DMD: variants seen among roughly 807,000 people sequenced by gnomAD.
DMD encodes the protein mutant dystrophin.
Under a neutral mutation model 330.1 loss-of-function variants are expected in DMD, and 63 were observed. That is an observed-to-expected ratio of 0.19 (90% CI 0.16 to 0.24). The LOEUF (loss-of-function observed/expected upper bound fraction) is 0.24. Ranked by LOEUF, DMD falls within the 10% of genes least tolerant of loss-of-function variation. The pLI, the probability that DMD is intolerant of heterozygous loss-of-function variation, is 1.00. For missense variants in DMD, 3,344 were observed against 2,684.1 expected, an observed-to-expected ratio of 1.25 and a Z score of -5.43; for synonymous variants, 1,223 against 959.8, an observed-to-expected ratio of 1.27 and a Z score of -5.07.
intron 60 of DMD, among the ~76,000 whole-genome samples, chrX:31,354,373 T>A (rs1365347573): frequency 9.0e-6 from 1 of 111,311 alleles, no homozygotes; most frequent in Non-Finnish European, 1.9e-5. Flanking sequence ...CCCTCCCTTC[T>A]TCCTTTCCTT....
intron 36 of DMD, 60 bp from the exon 37 acceptor site, chrX:32,363,018 A>G (rs1297560376): frequency 9.3e-7 from 1 of 1,075,444 alleles, no homozygotes; most frequent in African/African-American, 1.8e-5. Context: ...GTCAAGATAG[A>G]AAAAGAGAGC....
At chrX:31,530,912 G>A (rs2073744429) in intron 55 of DMD, among the ~76,000 whole-genome samples, 1 of 76,228 alleles carries the variant, frequency 1.3e-5, no homozygotes, top group Non-Finnish European at 2.4e-5. Flanking sequence ...ACCTATGAGT[G>A]AGAATATGCG....
intron 53 of DMD, among the ~76,000 whole-genome samples, chrX:31,673,935 T>C (rs1172149944): frequency 2.7e-5 from 3 of 111,835 alleles, no homozygotes; most frequent in Non-Finnish European, 5.6e-5. Context: ...AAAAGTACTA[T>C]TGGGTTATTG....
intron 62 of DMD, among the ~76,000 whole-genome samples, chrX:31,284,557 T>TTTTTTCTTCTTCTTCTTCTTTCTTCTTTC (rs2052885922): frequency 2.6e-5 from 2 of 78,066 alleles, no homozygotes; most frequent in African/African-American, 1.0e-4. Context: ...TAACGAACTG[T>TTTTTTCTTCTTCTTCTTCTTTCTTCTTTC]TTCTTCTTCT....
chrX:31,207,928 A>C (rs955822179), intron 65 of DMD, among the ~76,000 whole-genome samples: 1 of 111,316 alleles, frequency 9.0e-6, no homozygotes, highest in Non-Finnish European at 1.9e-5. Flanking sequence ...GTGATGAAAT[A>C]ATCTGTACAA....
chrX:32,034,613 T>C (rs1299594951), intron 44 of DMD, among the ~76,000 whole-genome samples: 2 of 111,730 alleles, frequency 1.8e-5, no homozygotes, highest in African/African-American at 3.2e-5. Flanking sequence ...GCTCTAAAAC[T>C]GCAAAACATT....
Position 31,348,723 on chromosome X carries a change from G to A in DMD, c.9085-89C>T, listed in dbSNP as rs775956998. 70 of 784,983 alleles carry A rather than the reference G, an allele frequency of 8.9e-5. 1 individual carries two copies. The East Asian group carries it at 1.8e-3, about 20-fold the overall frequency. The allele number at this position is 784,983 out of a possible 1,213,427, so 64.7% of individuals were successfully genotyped here. ...TGTATCCTTTCTGATAAGATACTTT[G>A]AGTCTCCAAGACTGAGAACACTAAA... On this transcript the variant is annotated intron_variant, in intron 60 of 78. Coordinates refer to ENST00000357033, the MANE Select transcript of DMD (RefSeq NM_004006.3).
chrX:31,849,909 CTTTTA>C (rs962147264), intron 48 of DMD, among the ~76,000 whole-genome samples: 2 of 110,406 alleles, frequency 1.8e-5, no homozygotes, highest in Non-Finnish European at 3.8e-5. Flanking sequence ...TTTTTTTTAA[CTTTTA>C]TTTTAAGTAC....
intron 17 of DMD, among the ~76,000 whole-genome samples, chrX:32,543,907 AATC>A (rs1209061737): frequency 8.9e-6 from 1 of 112,456 alleles, no homozygotes; most frequent in Non-Finnish European, 1.9e-5. Context: ...ATGCGAAAGT[AATC>A]ATAAGTGATA....
intron 1 of DMD, among the ~76,000 whole-genome samples, chrX:33,081,329 A>T (rs1373839736): frequency 8.9e-6 from 1 of 111,809 alleles, no homozygotes; most frequent in Admixed American, 9.5e-5. Context: ...GCTGGAGTGC[A>T]GTGGTGCTAT....
intron 44 of DMD, among the ~76,000 whole-genome samples, chrX:32,021,704 T>G (rs986092386): frequency 2.1e-4 from 24 of 112,341 alleles, no homozygotes; most frequent in African/African-American, 7.4e-4. Context: ...AATTAGTAAT[T>G]TTTATATTGA....
rs1253481230 is a variant in DMD at position 31,385,262 on chromosome X, G to A, written c.9085-36628C>T. On this transcript the variant is annotated intron_variant, in intron 60 of 78. Transcript: ENST00000357033. The stretch of plus-strand genomic sequence containing the variant: ...ACGGCAGTAGGAAGGGACGTTTAGA[G>A]AGTTATCATCAGTCATTTATGCCTG... Among the ~76,000 whole-genome samples, 8 of 111,733 alleles carry A rather than the reference G, an allele frequency of 7.2e-5. No homozygotes were observed. In the Admixed American group the frequency reaches 7.6e-4, roughly 11 times the overall value.
intron 49 of DMD, among the ~76,000 whole-genome samples, chrX:31,834,509 G>A (rs953945700): frequency 1.8e-5 from 2 of 111,590 alleles, no homozygotes; most frequent in South Asian, 3.8e-4. Flanking sequence ...GCGCGATCTC[G>A]GCTCACTGCA....
Position 31,968,400 on chromosome X carries a change from A to G in DMD, c.6553T>C (p.Leu2185=), listed in dbSNP as rs1326630806. ...KTDASILQEK[L]GSLNLRWQEV... ...TGCCACCGCAGATTCAGGCTTCCCA[A>G]TTTTTCCTGTAGAATACTGGCATCT... The change falls in exon 45 of 79, where the codon TTG becomes CTG. Residue 2185 remains leucine (L), a synonymous_variant. Coordinates refer to ENST00000357033, the MANE Select transcript of DMD (RefSeq NM_004006.3). 7.4e-6 allele frequency: 9 copies of G among 1,210,067 alleles called. No homozygotes were observed. The highest frequency in any genetic ancestry group is 1.0e-5 in the Non-Finnish European group (9 of 894,703).
chrX:33,161,992 G>C (rs764137121), intron 1 of DMD, among the ~76,000 whole-genome samples: 20 of 111,849 alleles, frequency 1.8e-4, no homozygotes, highest in African/African-American at 6.5e-4. Context: ...CTGTAACTCT[G>C]GTTATGGAAC....
chrX:32,546,318 A>C (rs1282936607), intron 16 of DMD, among the ~76,000 whole-genome samples: 1 of 109,044 alleles, frequency 9.2e-6, no homozygotes, highest in Non-Finnish European at 1.9e-5. Flanking sequence ...GTTTCCAAGG[A>C]AGTCACAAGA....
chrX:31,951,489 C>T (rs1270679515), intron 45 of DMD, among the ~76,000 whole-genome samples: 1 of 108,501 alleles, frequency 9.2e-6, no homozygotes, highest in African/African-American at 3.3e-5. Flanking sequence ...ACTGCACTGT[C>T]TTGTTAGTTA....
chrX:32,360,652 C>T (rs182593848), intron 37 of DMD, among the ~76,000 whole-genome samples: 2 of 108,191 alleles, frequency 1.8e-5, no homozygotes, highest in East Asian at 2.9e-4. Flanking sequence ...CCAGGTGTCA[C>T]GGCGCCCGCC....
rs114469765 is a variant in DMD, at chrX:32,590,858, C to T, written c.1602+4899G>A. ...GCAGATGGCGTATCATGGGACTTCACCTTGTAATCATGTGAGCCAATTCTC... is the reference window on the plus strand; with the variant it reads ...GCAGATGGCGTATCATGGGACTTCATCTTGTAATCATGTGAGCCAATTCTC... On this transcript the variant is annotated intron_variant, in intron 13 of 78. Coordinates refer to ENST00000357033, the MANE Select transcript of DMD (RefSeq NM_004006.3). Among the ~76,000 whole-genome samples the T allele has an allele frequency of 4.4e-3, 487 of 111,415 alleles. 3 individuals carry two copies. Among genetic ancestry groups the T allele is most frequent in the African/African-American group, 0.015 (461 of 30,658 alleles).
Sources: gnomAD v4.1 joint callset for allele counts (sites outside exome capture counted in the v4.1 genomes callset) on GRCh38, gnomAD v4.1.1 for gene constraint, MANE v1.5 for transcripts, NCBI Gene and HGNC (gene_info 2026-07-23, HGNC 2026-07-21) for gene names.